AFAP1L2: variants seen among roughly 807,000 people sequenced by gnomAD.
AFAP1L2 encodes actin filament-associated protein 1-like 2.
AFAP1L2 carries 46 observed loss-of-function variants against 99.3 expected under a neutral mutation model. That is an observed-to-expected ratio of 0.46 (90% CI 0.37 to 0.59). The LOEUF (loss-of-function observed/expected upper bound fraction) is 0.59, where lower values mean the gene tolerates loss of function less well. Among genes scored for constraint, AFAP1L2 ranks in the 20% least tolerant of loss-of-function variants. The pLI is 0.00. For missense variants in AFAP1L2, 959 were observed against 1,034.9 expected (o/e 0.93, Z 1.01); for synonymous variants, 397 against 419.1 (o/e 0.95, Z 0.64).
chr10:114,305,010 A>G (rs1589975458), intron 10 of AFAP1L2, 80 bp from the exon 11 acceptor site: 2 of 156,060 alleles, frequency 1.3e-5, no homozygotes, highest in South Asian at 6.6e-5. Flanking sequence ...GGGCTTCGGG[A>G]GGGCACACAG....
intron 1 of AFAP1L2, among the ~76,000 whole-genome samples, chr10:114,378,096 G>A (rs1443727960): frequency 6.6e-6 from 1 of 152,222 alleles, no homozygotes; most frequent in African/African-American, 2.4e-5. Context: ...CAGGTGTTCT[G>A]CCACCTGCAA....
At chr10:114,390,703 A>G (rs1272469909) in intron 1 of AFAP1L2, among the ~76,000 whole-genome samples, 1 of 141,150 alleles carries the variant, frequency 7.1e-6, no homozygotes, top group African/African-American at 2.7e-5. Flanking sequence ...CCTGGACAAC[A>G]GGGCGAGACT....
chr10:114,332,615 T>C (rs1222325282), intron 3 of AFAP1L2, among the ~76,000 whole-genome samples: 1 of 152,224 alleles, frequency 6.6e-6, no homozygotes, highest in South Asian at 2.1e-4. Context: ...CTTCTTAGCC[T>C]GCGTCTTCTG....
the AFAP1L2 span, chr10:114,285,869 A>T: frequency 6.9e-7 from 1 of 1,448,880 alleles, no homozygotes; most frequent in African/African-American, 1.4e-5. Flanking sequence ...GATGTTCGGC[A>T]TCTCGGGTGG....
intron 1 of AFAP1L2, among the ~76,000 whole-genome samples, chr10:114,378,031 C>A (rs1480626982): frequency 6.6e-6 from 1 of 152,220 alleles, no homozygotes; most frequent in Non-Finnish European, 1.5e-5. Flanking sequence ...GCTGCCACAG[C>A]AAAAACAGAA....
intron 4 of AFAP1L2, chr10:114,325,820 G>A: frequency 2.4e-6 from 3 of 1,226,632 alleles, no homozygotes; most frequent in Non-Finnish European, 3.2e-6. Flanking sequence ...GACAGTGACA[G>A]ACTTGCCTGT....
chr10:114,345,493 G>A (rs374874156), intron 1 of AFAP1L2, among the ~76,000 whole-genome samples: 21 of 152,244 alleles, frequency 1.4e-4, no homozygotes, highest in African/African-American at 3.9e-4. Context: ...GAGGGTGTGA[G>A]CTAATCATGG....
At chr10:114,327,742 G>T (rs2046598231) in intron 4 of AFAP1L2, among the ~76,000 whole-genome samples, 1 of 152,194 alleles carries the variant, frequency 6.6e-6, no homozygotes, top group Non-Finnish European at 1.5e-5. Flanking sequence ...TTTACTAAAG[G>T]ATGTTACAGA....
chr10:114,395,420 A>C (rs768963387), intron 1 of AFAP1L2, among the ~76,000 whole-genome samples: 54 of 152,188 alleles, frequency 3.5e-4, no homozygotes, highest in Non-Finnish European at 6.6e-4. Context: ...AGCACCCTAG[A>C]AGAGTTCCTT....
intron 1 of AFAP1L2, among the ~76,000 whole-genome samples, chr10:114,373,712 G>A (rs1425108288): frequency 6.6e-6 from 1 of 152,082 alleles, no homozygotes; most frequent in African/African-American, 2.4e-5. Context: ...CTGACCACAG[G>A]CTTCCCCAAA....
At chr10:114,327,622 C>T (rs2046578046) in intron 4 of AFAP1L2, among the ~76,000 whole-genome samples, 1 of 152,290 alleles carries the variant, frequency 6.6e-6, no homozygotes, top group Non-Finnish European at 1.5e-5. Context: ...CTTGTGGCCA[C>T]TCGGGACCTC....
chr10:114,299,427 G>C lies in AFAP1L2; in HGVS notation c.1958-12C>G. The C allele has an allele frequency of 6.2e-7, 1 of 1,613,716 alleles. No homozygotes were observed. ...GCCAAGCTTGATCTCTACAGACCCA[G>C]AGAGGGAAGCCCCAGGTAAGCAGAG... On this transcript the variant is annotated splice_polypyrimidine_tract_variant and intron_variant, in intron 15 of 18. Transcript: ENST00000304129.
chr10:114,376,899 T>C (rs554284869), intron 1 of AFAP1L2, among the ~76,000 whole-genome samples: 1 of 152,176 alleles, frequency 6.6e-6, no homozygotes, highest in East Asian at 1.9e-4. Flanking sequence ...TGGGCCTCCC[T>C]AGAAGTCACC....
chr10:114,365,807 C>T (rs2053157265), intron 1 of AFAP1L2, among the ~76,000 whole-genome samples: 1 of 151,834 alleles, frequency 6.6e-6, no homozygotes, highest in African/African-American at 2.4e-5. Flanking sequence ...CTTACTGCAG[C>T]CTTGAACTCC....
intron 1 of AFAP1L2, among the ~76,000 whole-genome samples, chr10:114,383,141 A>T (rs1449774868): frequency 6.6e-6 from 1 of 152,224 alleles, no homozygotes; most frequent in Non-Finnish European, 1.5e-5. Context: ...TTGTATATAC[A>T]TGGCTGCTTA....
intron 2 of AFAP1L2, among the ~76,000 whole-genome samples, chr10:114,338,074 T>G (rs969573851): frequency 6.6e-6 from 1 of 152,188 alleles, no homozygotes; most frequent in African/African-American, 2.4e-5. Context: ...CTAAGGCAGA[T>G]GATTCCTCCA....
At chr10:114,296,274 A>G (rs1045919416) in intron 18 of AFAP1L2, 19 of 615,058 alleles carry the variant, frequency 3.1e-5, no homozygotes, top group South Asian at 2.3e-4. Context: ...GCGAGTGCCT[A>G]TAAGTGATGT....
chr10:114,358,323 GA>G (rs2051695604), intron 1 of AFAP1L2, among the ~76,000 whole-genome samples: 1 of 152,068 alleles, frequency 6.6e-6, no homozygotes, highest in African/African-American at 2.4e-5. Context: ...CCAAACAAGG[GA>G]AATTGCTTTT....
At chr10:114,369,673 A>T (rs1248222) in intron 1 of AFAP1L2, among the ~76,000 whole-genome samples, 25,067 of 151,624 alleles carry the variant, frequency 0.17, 2,637 homozygotes, top group Non-Finnish European at 0.23. Context: ...ATGAGCCCTC[A>T]TGAACCCATT....
Sources: gnomAD v4.1 joint callset for allele counts (sites outside exome capture counted in the v4.1 genomes callset) on GRCh38, gnomAD v4.1.1 for gene constraint, MANE v1.5 for transcripts, NCBI Gene and HGNC (gene_info 2026-07-23, HGNC 2026-07-21) for gene names.